Variants in LNPEP observed in about 807,000 individuals in gnomAD.
LNPEP encodes the protein leucyl-cystinyl aminopeptidase.
A neutral mutation model predicts 120.6 loss-of-function variants in LNPEP; 64 were observed. The observed-to-expected ratio is 0.53, with a 90% CI of 0.43 to 0.65. The LOEUF is 0.65. Ranked by LOEUF, LNPEP falls within the 30% of genes least tolerant of loss-of-function variation. The probability of loss-of-function intolerance (pLI) is 0.00; values close to 1 mark genes in which losing one functional copy is unlikely to be tolerated. For synonymous variants in LNPEP, 435 were observed against 425.4 expected (o/e 1.02, Z -0.28); for missense variants, 1,057 against 1,200.0 (o/e 0.88, Z 1.76).
intron 1 of LNPEP, among the ~76,000 whole-genome samples, chr5:96,940,283 A>T (rs1789021211): frequency 6.6e-6 from 1 of 152,342 alleles, no homozygotes; most frequent in East Asian, 1.9e-4. Flanking sequence ...TCTGTAGGTT[A>T]TCCTTGAGAA....
chr5:97,008,350 T>C (rs1403449789), intron 11 of LNPEP, among the ~76,000 whole-genome samples: 1 of 118,906 alleles, frequency 8.4e-6, no homozygotes, highest in East Asian at 2.4e-4. Flanking sequence ...TTTTTTTTTT[T>C]TTTTTTTTTT....
At chr5:96,958,703 C>A in intron 1 of LNPEP, 1 of 161,924 alleles carries the variant, frequency 6.2e-6, no homozygotes, top group Non-Finnish European at 1.3e-5. Flanking sequence ...ATTTCCTGCA[C>A]TTTTTTGGCT....
rs1219561243 is a variant in LNPEP, at chr5:97,034,656, T to G, written c.*6123T>G. On this transcript the variant is annotated 3_prime_UTR_variant, in exon 18 of 18. Transcript: ENST00000231368. Reference sequence around the variant, plus strand: ...GAGCACTACAGGGCTTGGGTTTTGGTTTTTTGCTTTTGAGGGTTTTAATGA... The same window carrying G: ...GAGCACTACAGGGCTTGGGTTTTGGGTTTTTGCTTTTGAGGGTTTTAATGA... 1 of 151,952 alleles carries G rather than the reference T, an allele frequency of 6.6e-6. No individual in the cohort carries two copies. Among genetic ancestry groups the G allele is most frequent in the African/African-American group, 2.4e-5 (1 of 41,372 alleles). 9.4% of individuals were successfully genotyped at this position (151,952 alleles called of 1,614,324 possible).
At chr5:96,982,214 TCAC>T (rs1477774502) in intron 2 of LNPEP, among the ~76,000 whole-genome samples, 1 of 152,176 alleles carries the variant, frequency 6.6e-6, no homozygotes, top group Non-Finnish European at 1.5e-5. Flanking sequence ...GCCACATTCT[TCAC>T]CACCATGGTG....
At chr5:96,956,543 G>A (rs1561430971) in intron 1 of LNPEP, among the ~76,000 whole-genome samples, 1 of 152,186 alleles carries the variant, frequency 6.6e-6, no homozygotes, top group Non-Finnish European at 1.5e-5. Context: ...AATGTGAATT[G>A]TTACCCTGTA....
chr5:97,000,383 G>GACCTGCTT (rs1436977530), intron 8 of LNPEP, among the ~76,000 whole-genome samples: 1 of 152,164 alleles, frequency 6.6e-6, no homozygotes, highest in East Asian at 1.9e-4. Context: ...TTCTTTGAAA[G>GACCTGCTT]ACCTGCTTGC....
intron 9 of LNPEP, among the ~76,000 whole-genome samples, chr5:97,004,927 A>C (rs1439398670): frequency 6.6e-6 from 1 of 152,198 alleles, no homozygotes; most frequent in Non-Finnish European, 1.5e-5. Context: ...CATTGACTGC[A>C]ACTTTTGCAT....
At chr5:96,954,647 TACATATATACACATATATACATATATAC>T (rs1789402112) in intron 1 of LNPEP, among the ~76,000 whole-genome samples, 1 of 125,296 alleles carries the variant, frequency 8.0e-6, no homozygotes, top group Admixed American at 7.9e-5. Context: ...TATACATATA[TACATATATACACATATATACATATATAC>T]ACATATATAC....
rs1337598626 is a variant in LNPEP at position 97,032,992 on chromosome 5, T to C, written c.*4459T>C. Reference sequence around the variant, plus strand: ...CATATATACTTAATGAAAATTGAGGTTCAGAGTATGACAAATCTCTTTTCC... The same window carrying C: ...CATATATACTTAATGAAAATTGAGGCTCAGAGTATGACAAATCTCTTTTCC... On this transcript the variant is annotated 3_prime_UTR_variant, in exon 18 of 18. Coordinates refer to ENST00000231368, the MANE Select transcript of LNPEP (RefSeq NM_005575.3). 6.6e-6 allele frequency: 1 copy of C among 152,210 alleles called. No homozygotes were observed. Among genetic ancestry groups the C allele is most frequent in the Non-Finnish European group, 1.5e-5 (1 of 68,034 alleles). 9.4% of individuals were successfully genotyped at this position (152,210 alleles called of 1,614,324 possible). A position where few individuals can be genotyped will look rare whatever the true frequency, so the allele number is the denominator to read the frequency against.
At chr5:96,970,501 C>A (rs1274364022) in intron 1 of LNPEP, among the ~76,000 whole-genome samples, 3 of 151,992 alleles carry the variant, frequency 2.0e-5, no homozygotes, top group African/African-American at 7.2e-5. Flanking sequence ...GTCTCTGTTA[C>A]AATGTTTAAT....
At position 96,979,205 on chromosome 5, in the gene LNPEP, T is replaced by G; in HGVS notation, c.87T>G (p.Asp29Glu). 1 of 1,613,862 alleles carries G rather than the reference T, an allele frequency of 6.2e-7. No homozygotes were observed. Among genetic ancestry groups the G allele is most frequent in the Non-Finnish European group, 8.5e-7 (1 of 1,179,858 alleles). ...TTGAGGAAGAACCAGATGTGGTGGATTTAGCCAAAGAGCCTTGTTTACATC... is the reference window on the plus strand; with the variant it reads ...TTGAGGAAGAACCAGATGTGGTGGAGTTAGCCAAAGAGCCTTGTTTACATC... ...SMFEEEPDVVDLAKEPCLHPL... is the reference protein window; with the variant it reads ...SMFEEEPDVVELAKEPCLHPL... Residue 29 changes from aspartate (D) to glutamate (E), a missense_variant, in exon 2 of 18, where the codon GAT (aspartate) becomes GAG (glutamate). Physicochemically the swap from Asp to Glu is conservative, Grantham distance 45 (BLOSUM62 2). Transcript: ENST00000231368.
Position 96,979,384 on chromosome 5 carries a change from G to C in LNPEP, c.266G>C (p.Arg89Pro). The change falls in exon 2 of 18, where the codon CGG becomes CCG. Residue 89 changes from arginine to proline, a missense_variant. By Grantham distance (103) the Arg-to-Pro change is moderately radical. Transcript: ENST00000231368. Reference sequence around the variant, plus strand: ...TTCATGAATAGAAGCTCAGGCCTTCGGAACAGTGCAACTGGTTACAGGCAG... The same window carrying C: ...TTCATGAATAGAAGCTCAGGCCTTCCGAACAGTGCAACTGGTTACAGGCAG... ...MSFMNRSSGL[R>P]NSATGYRQSP... 2 of 1,614,036 alleles carry C rather than the reference G, an allele frequency of 1.2e-6. 1 individual carries two copies. The highest frequency in any genetic ancestry group is 2.2e-5 in the South Asian group (2 of 91,078).
chr5:96,946,817 T>C (rs947414904), intron 1 of LNPEP, among the ~76,000 whole-genome samples: 5 of 152,202 alleles, frequency 3.3e-5, no homozygotes, highest in Non-Finnish European at 7.4e-5. Context: ...AGGTAATTTT[T>C]TGTTCAGATC....
chr5:96,937,183 G>A (rs1253666373), intron 1 of LNPEP: 2 of 152,278 alleles, frequency 1.3e-5, no homozygotes, highest in South Asian at 2.1e-4. Context: ...ACATTAATAG[G>A]GGCCACAGTC....
intron 2 of LNPEP, 113 bp from the exon 3 acceptor site, chr5:96,984,967 T>C: frequency 1.8e-6 from 2 of 1,135,768 alleles, no homozygotes; most frequent in Non-Finnish European, 2.5e-6. Flanking sequence ...TCCCAGTTTA[T>C]TGCAGATCCT....
At chr5:96,991,445 TCAC>T (rs1790386623) in intron 4 of LNPEP, among the ~76,000 whole-genome samples, 1 of 152,204 alleles carries the variant, frequency 6.6e-6, no homozygotes. Flanking sequence ...TGTTCCTTTT[TCAC>T]CACATCTACG....
At chr5:96,994,087 A>T in intron 6 of LNPEP, 116 bp downstream of exon 6, 1 of 806,920 alleles carries the variant, frequency 1.2e-6, no homozygotes. Flanking sequence ...GCCTTCTTTT[A>T]TAATAGAAAG....
chr5:96,972,560 C>G (rs1456374549), intron 1 of LNPEP, among the ~76,000 whole-genome samples: 2 of 152,074 alleles, frequency 1.3e-5, no homozygotes, highest in Non-Finnish European at 2.9e-5. Flanking sequence ...CACGTGCCCC[C>G]CTTCACCAGC....
chr5:96,979,417 A>G lies in LNPEP; in HGVS notation c.299A>G (p.Asp100Gly), dbSNP rs139694317. ...GCAACTGGTTACAGGCAGAGCCCAGATGGGGCTTGTTCAGTACCCTCTGCA... is the reference window on the plus strand; with the variant it reads ...GCAACTGGTTACAGGCAGAGCCCAGGTGGGGCTTGTTCAGTACCCTCTGCA... ...NSATGYRQSP[D>G]GACSVPSART... The change falls in exon 2 of 18, where the codon GAT (aspartate) becomes GGT (glycine). Residue 100 changes from aspartate to glycine, a missense_variant. Coordinates refer to ENST00000231368, the MANE Select transcript of LNPEP (RefSeq NM_005575.3). 3.7e-6 allele frequency: 6 copies of G among 1,613,968 alleles called. No individual in the cohort carries two copies. The highest frequency in any genetic ancestry group is 5.1e-6 in the Non-Finnish European group (6 of 1,179,984).
Sources: gnomAD v4.1 joint callset for allele counts (sites outside exome capture counted in the v4.1 genomes callset) on GRCh38, gnomAD v4.1.1 for gene constraint, MANE v1.5 for transcripts, NCBI Gene and HGNC (gene_info 2026-07-23, HGNC 2026-07-21) for gene names.